CNTNAP4: variants seen among roughly 807,000 people sequenced by gnomAD.
CNTNAP4 encodes the protein contactin associated protein family member 4.
Under a neutral mutation model 148.4 loss-of-function variants are expected in CNTNAP4, and 98 were observed. That is an observed-to-expected ratio of 0.66 (90% CI 0.56 to 0.78). The LOEUF (loss-of-function observed/expected upper bound fraction) is 0.78. Among genes scored for constraint, CNTNAP4 ranks in the 30% least tolerant of loss-of-function variants. The pLI is 0.00. For missense variants in CNTNAP4, 1,935 were observed against 1,565.6 expected, an observed-to-expected ratio of 1.24 and a Z score of -3.98; for synonymous variants, 730 against 565.1, an observed-to-expected ratio of 1.29 and a Z score of -4.14.
chr16:76,320,498 AG>A (rs772898374), intron 2 of CNTNAP4, among the ~76,000 whole-genome samples: 2 of 152,206 alleles, frequency 1.3e-5, no homozygotes, highest in South Asian at 2.1e-4. Flanking sequence ...TTTGCTAAAG[AG>A]ATTAGTTATG....
intron 3 of CNTNAP4, among the ~76,000 whole-genome samples, chr16:76,374,649 A>G (rs976045858): frequency 1.3e-5 from 2 of 151,758 alleles, no homozygotes; most frequent in Non-Finnish European, 2.9e-5. Context: ...CGTGTACATT[A>G]CTCTCACTTT....
At chr16:76,552,789 T>G (rs1247525226) in intron 21 of CNTNAP4, among the ~76,000 whole-genome samples, 1 of 152,164 alleles carries the variant, frequency 6.6e-6, no homozygotes, top group African/African-American at 2.4e-5. Flanking sequence ...TCAGAAAGCT[T>G]TCAGCCATAA....
chr16:76,543,440 A>C (rs1357506004), intron 21 of CNTNAP4, among the ~76,000 whole-genome samples: 1 of 152,238 alleles, frequency 6.6e-6, no homozygotes, highest in African/African-American at 2.4e-5. Context: ...CAGGTCCTCC[A>C]AACAACAGCT....
chr16:76,357,077 A>ACACACC (rs1555531658), intron 3 of CNTNAP4, among the ~76,000 whole-genome samples: 12 of 151,858 alleles, frequency 7.9e-5, no homozygotes, highest in African/African-American at 2.7e-4. Context: ...ACACACACAC[A>ACACACC]CACACCCCAA....
chr16:76,286,462 C>A (rs1958889527), intron 1 of CNTNAP4, among the ~76,000 whole-genome samples: 1 of 151,868 alleles, frequency 6.6e-6, no homozygotes, highest in Non-Finnish European at 1.5e-5. Context: ...GTGATATTAC[C>A]CTTTTGCGAT....
At chr16:76,499,690 G>C (rs1430759131) in intron 15 of CNTNAP4, among the ~76,000 whole-genome samples, 1 of 149,702 alleles carries the variant, frequency 6.7e-6, no homozygotes, top group East Asian at 2.0e-4. Flanking sequence ...GGTTTTCCTA[G>C]GCAGAGGGCC....
At chr16:76,552,530 G>A (rs1372661993) in intron 21 of CNTNAP4, among the ~76,000 whole-genome samples, 2 of 152,028 alleles carry the variant, frequency 1.3e-5, no homozygotes, top group Non-Finnish European at 2.9e-5. Flanking sequence ...ACCAATCTCC[G>A]TTCCACAAGA....
chr16:76,316,331 T>C (rs1262098421), intron 1 of CNTNAP4, 82 bp from the exon 2 acceptor site: 2 of 844,562 alleles, frequency 2.4e-6, no homozygotes, highest in Non-Finnish European at 4.0e-6. Flanking sequence ...GTTGTTGTTT[T>C]ACTTGTTGGT....
chr16:76,357,500 G>T (rs78322140), intron 3 of CNTNAP4, among the ~76,000 whole-genome samples: 1 of 152,136 alleles, frequency 6.6e-6, no homozygotes, highest in Non-Finnish European at 1.5e-5. Context: ...AAAACATGGC[G>T]TCTATCATAA....
chr16:76,539,049 A>G (rs1157095212), intron 19 of CNTNAP4, among the ~76,000 whole-genome samples: 1 of 151,654 alleles, frequency 6.6e-6, no homozygotes, highest in Non-Finnish European at 1.5e-5. Context: ...TAAAAATAAG[A>G]TTGTTCGATA....
chr16:76,401,055 T>C (rs553596415), intron 3 of CNTNAP4, among the ~76,000 whole-genome samples: 22 of 152,266 alleles, frequency 1.4e-4, no homozygotes, highest in African/African-American at 5.3e-4. Flanking sequence ...CTTAAAATAG[T>C]TTTTTCTACT....
chr16:76,301,088 A>G, intron 1 of CNTNAP4, among the ~76,000 whole-genome samples: 1 of 152,152 alleles, frequency 6.6e-6, no homozygotes, highest in East Asian at 1.9e-4. Flanking sequence ...AAGAAAAACT[A>G]TACCATAGTC....
chr16:76,533,206 G>A (rs1446138339), intron 17 of CNTNAP4, among the ~76,000 whole-genome samples: 4 of 152,102 alleles, frequency 2.6e-5, no homozygotes, highest in African/African-American at 9.7e-5. Context: ...TGGAACTGAA[G>A]GGCATTATGT....
intron 3 of CNTNAP4, among the ~76,000 whole-genome samples, chr16:76,366,166 C>G (rs1488064141): frequency 6.6e-6 from 1 of 151,968 alleles, no homozygotes; most frequent in Admixed American, 6.6e-5. Flanking sequence ...CTTTTAGGTT[C>G]AGGGATACAT....
At chr16:76,529,235 C>T (rs1003614039) in intron 17 of CNTNAP4, among the ~76,000 whole-genome samples, 8 of 152,068 alleles carry the variant, frequency 5.3e-5, no homozygotes, top group Non-Finnish European at 1.2e-4. Flanking sequence ...CATGTTCTTT[C>T]ACTTTGTCCT....
intron 12 of CNTNAP4, among the ~76,000 whole-genome samples, chr16:76,487,981 C>G (rs1490617473): frequency 1.3e-5 from 2 of 152,100 alleles, no homozygotes; most frequent in African/African-American, 2.4e-5. Context: ...GTCCGCCTTG[C>G]TTGGTAGCTA....
chr16:76,538,352 T>G lies in CNTNAP4; in HGVS notation c.3220+12T>G. The G allele has an allele frequency of 6.4e-7, 1 of 1,568,180 alleles. No individual in the cohort carries two copies. Among genetic ancestry groups the G allele is most frequent in the East Asian group, 2.3e-5 (1 of 44,176 alleles). ...CATTGCCAAAAATGGTGAGTTCTTT[T>G]TAGATGAGAGAGAGAAAATTAAATT... is the stretch of plus-strand genomic sequence containing the variant. On this transcript the variant is annotated intron_variant, in intron 19 of 23. Coordinates refer to ENST00000611870, the MANE Select transcript of CNTNAP4 (RefSeq NM_033401.5).
rs1958518455 is a variant in CNTNAP4 at position 76,277,467 on chromosome 16, GGA to G, written c.-186_-185del. 1.5e-4 allele frequency: 84 copies of G among 563,920 alleles called. No homozygotes were observed. The highest frequency in any genetic ancestry group is 4.9e-4 in the South Asian group (20 of 41,096). The allele number at this position is 563,920 out of a possible 1,614,324, so 34.9% of individuals were successfully genotyped here. ...AGAGAAAAGAGAGAGACAGAGACGG[GGA>G]GAGAGAGAGGGAGAGAGAAGAGAGG... On this transcript the variant is annotated 5_prime_UTR_variant, in exon 1 of 24. Transcript: ENST00000611870.
chr16:76,331,736 T>A (rs1054141123), intron 2 of CNTNAP4, among the ~76,000 whole-genome samples: 7 of 152,156 alleles, frequency 4.6e-5, no homozygotes, highest in Non-Finnish European at 7.4e-5. Flanking sequence ...GTCTTTTAAA[T>A]TATATAGGAA....
Sources: gnomAD v4.1 joint callset for allele counts (sites outside exome capture counted in the v4.1 genomes callset) on GRCh38, gnomAD v4.1.1 for gene constraint, MANE v1.5 for transcripts, NCBI Gene and HGNC (gene_info 2026-07-23, HGNC 2026-07-21) for gene names.